The following ERBB4 variants were observed in gnomAD, a reference collection of about 807,000 sequenced individuals.
ERBB4 encodes the protein receptor tyrosine-protein kinase erbB-4.
ERBB4 carries 42 observed loss-of-function variants against 158.0 expected under a neutral mutation model. That is an observed-to-expected ratio of 0.27 (90% CI 0.21 to 0.34). The LOEUF is 0.34. ERBB4 is among the 10% of genes least tolerant of loss of function. ERBB4 has a pLI of 1.00. For missense variants in ERBB4, 1,333 were observed against 1,624.1 expected, an observed-to-expected ratio of 0.82 and a Z score of 3.08; for synonymous variants, 583 against 558.7, an observed-to-expected ratio of 1.04 and a Z score of -0.61.
intron 3 of ERBB4, among the ~76,000 whole-genome samples, chr2:211,789,941 T>G (rs1202473654): frequency 1.3e-5 from 2 of 152,056 alleles, no homozygotes; most frequent in Admixed American, 6.6e-5. Flanking sequence ...TCACTCCCAT[T>G]TTCATCATCA....
chr2:211,876,644 G>A (rs1389324747), intron 3 of ERBB4, among the ~76,000 whole-genome samples: 1 of 152,136 alleles, frequency 6.6e-6, no homozygotes, highest in Non-Finnish European at 1.5e-5. Context: ...TATGTGGATA[G>A]AAATTAAATA....
chr2:211,527,845 T>A (rs1311789061), intron 20 of ERBB4, among the ~76,000 whole-genome samples: 4 of 151,688 alleles, frequency 2.6e-5, no homozygotes, highest in Admixed American at 6.6e-5. Context: ...CCTCAAATTT[T>A]AAAAAAATGC....
intron 20 of ERBB4, among the ~76,000 whole-genome samples, chr2:211,523,805 T>A (rs1039143104): frequency 3.3e-5 from 5 of 152,094 alleles, no homozygotes; most frequent in Admixed American, 2.0e-4. Context: ...CCCGAGCAGG[T>A]TGCCATTGCT....
At chr2:212,305,365 G>T (rs935100480) in intron 1 of ERBB4, among the ~76,000 whole-genome samples, 1 of 151,262 alleles carries the variant, frequency 6.6e-6, no homozygotes, top group African/African-American at 2.4e-5. Context: ...ATATATTAAT[G>T]ATTTTTATTC....
Position 211,848,841 on chromosome 2 carries a change from A to T in ERBB4, c.422-60682T>A, listed in dbSNP as rs148637706. On this transcript the variant is annotated intron_variant, in intron 3 of 27. Coordinates refer to ENST00000342788, the MANE Select transcript of ERBB4 (RefSeq NM_005235.3). The stretch of plus-strand genomic sequence containing the variant: ...CAAATAGAATATATCAAAATAAAAC[A>T]GTAGTTTATCAGCTGGTATGCAACT... 3.5e-3 allele frequency among the ~76,000 whole-genome samples: 538 copies of T among 152,186 alleles called. 2 individuals carry two copies. Among genetic ancestry groups the T allele is most frequent in the African/African-American group, 0.012 (511 of 41,554 alleles).
At chr2:211,855,882 A>C in intron 3 of ERBB4, among the ~76,000 whole-genome samples, 1 of 152,200 alleles carries the variant, frequency 6.6e-6, no homozygotes, top group East Asian at 1.9e-4. Context: ...AAACTATTAT[A>C]ATTTGCAGAT....
chr2:211,417,477 A>C (rs1208690899), intron 25 of ERBB4, among the ~76,000 whole-genome samples: 1 of 152,202 alleles, frequency 6.6e-6, no homozygotes, highest in Non-Finnish European at 1.5e-5. Flanking sequence ...CTGTCTCAAA[A>C]AAGAAAAAAT....
chr2:211,962,646 A>G (rs776789306), intron 2 of ERBB4, among the ~76,000 whole-genome samples: 7 of 152,160 alleles, frequency 4.6e-5, no homozygotes, highest in Non-Finnish European at 1.0e-4. Context: ...TGGTGGAGAG[A>G]GAAAAGTTAG....
At chr2:211,909,538 C>T (rs2079487551) in intron 3 of ERBB4, among the ~76,000 whole-genome samples, 1 of 151,614 alleles carries the variant, frequency 6.6e-6, no homozygotes, top group Non-Finnish European at 1.5e-5. Flanking sequence ...ATACTATAAA[C>T]AATTATAAAG....
chr2:211,528,610 A>C (rs1196969683), intron 20 of ERBB4, among the ~76,000 whole-genome samples: 1 of 152,074 alleles, frequency 6.6e-6, no homozygotes, highest in Non-Finnish European at 1.5e-5. Context: ...ATGTTATGGC[A>C]CAAAACAAGT....
At chr2:211,794,143 T>C (rs956838098) in intron 3 of ERBB4, among the ~76,000 whole-genome samples, 6 of 152,090 alleles carry the variant, frequency 3.9e-5, no homozygotes, top group Middle Eastern at 3.4e-3. Flanking sequence ...TTGATTTCAA[T>C]TGAATGAAGC....
chr2:212,068,888 T>C (rs1355477638), intron 2 of ERBB4, among the ~76,000 whole-genome samples: 3 of 152,048 alleles, frequency 2.0e-5, no homozygotes, highest in Admixed American at 1.3e-4. Flanking sequence ...AGGGAAAGTA[T>C]CTATACACTT....
chr2:211,738,322 T>G (rs1300023980), intron 5 of ERBB4, among the ~76,000 whole-genome samples: 1 of 151,766 alleles, frequency 6.6e-6, no homozygotes, highest in African/African-American at 2.4e-5. Context: ...AAACTATACT[T>G]AACTATAATG....
chr2:211,864,636 C>A (rs1047545617), intron 3 of ERBB4, among the ~76,000 whole-genome samples: 5 of 152,042 alleles, frequency 3.3e-5, no homozygotes, highest in African/African-American at 9.7e-5. Flanking sequence ...ACAGTGAATC[C>A]TTTTGAATCT....
At chr2:212,077,644 G>A (rs1306239386) in intron 2 of ERBB4, among the ~76,000 whole-genome samples, 2 of 152,056 alleles carry the variant, frequency 1.3e-5, no homozygotes, top group South Asian at 2.1e-4. Context: ...GAGGAAGGAG[G>A]ACAGGGATGG....
rs566398856 is a variant in ERBB4, at chr2:211,906,743, C to T, written c.421+40687G>A. On this transcript the variant is annotated intron_variant, in intron 3 of 27. Coordinates refer to ENST00000342788, the MANE Select transcript of ERBB4 (RefSeq NM_005235.3). ...AAGTAGGCCACAGTGTCTGTTATTC[C>T]CCTCTTTGTGTCCATGTGTCCTCAT... 3.3e-5 allele frequency among the ~76,000 whole-genome samples: 5 copies of T among 151,600 alleles called. No homozygotes were observed. In the South Asian group the frequency reaches 1.0e-3, roughly 32 times the overall value.
chr2:212,065,801 C>T (rs1174178467), intron 2 of ERBB4, among the ~76,000 whole-genome samples: 1 of 152,020 alleles, frequency 6.6e-6, no homozygotes, highest in Non-Finnish European at 1.5e-5. Context: ...TTTCTAAACA[C>T]TATTTCCCAA....
rs75185835 is a variant in ERBB4, at chr2:212,082,793, T to C, written c.234+41959A>G. 1.4e-3 allele frequency among the ~76,000 whole-genome samples: 207 copies of C among 152,160 alleles called. No individual in the cohort carries two copies. The East Asian group carries it at 0.025, about 18-fold the overall frequency. The stretch of plus-strand genomic sequence containing the variant: ...GAAATGAAAATATTTAATTAAACAT[T>C]ACATGCATGCATGCATTTATAAATG... On this transcript the variant is annotated intron_variant, in intron 2 of 27. Coordinates refer to ENST00000342788, the MANE Select transcript of ERBB4 (RefSeq NM_005235.3).
intron 19 of ERBB4, among the ~76,000 whole-genome samples, chr2:211,590,725 C>T (rs145745901): frequency 2.6e-5 from 4 of 152,246 alleles, no homozygotes; most frequent in Non-Finnish European, 4.4e-5. Flanking sequence ...GCTGGCTCTG[C>T]GTTAATTACT....
Sources: allele counts gnomAD v4.1 joint callset (sites outside exome capture counted in the v4.1 genomes callset), GRCh38; gene constraint gnomAD v4.1.1; transcripts MANE v1.5; gene names NCBI Gene and HGNC (gene_info 2026-07-23, HGNC 2026-07-21).